Variants in MAGI1 observed in about 807,000 individuals in gnomAD.
MAGI1 encodes membrane associated guanylate kinase, WW and PDZ domain containing 1, also known as membrane-associated guanylate kinase, WW and PDZ domain-containing protein 1.
A neutral mutation model predicts 139.9 loss-of-function variants in MAGI1; 58 were observed. The observed-to-expected ratio is 0.41, with a 90% CI of 0.34 to 0.52. The LOEUF (loss-of-function observed/expected upper bound fraction) is 0.52. MAGI1 is among the 20% of genes least tolerant of loss of function. The probability of loss-of-function intolerance (pLI) is 0.12; values close to 1 mark genes in which losing one functional copy is unlikely to be tolerated. For synonymous variants in MAGI1, 812 were observed against 737.9 expected, an observed-to-expected ratio of 1.10 and a Z score of -1.63; for missense variants, 1,874 against 1,901.6, an observed-to-expected ratio of 0.99 and a Z score of 0.27.
chr3:65,541,343 C>T (rs1348767230), intron 2 of MAGI1, among the ~76,000 whole-genome samples: 1 of 152,130 alleles, frequency 6.6e-6, no homozygotes. Flanking sequence ...AACAGAGGTA[C>T]AAAGAAGAGC....
intron 1 of MAGI1, among the ~76,000 whole-genome samples, chr3:65,886,889 C>G (rs2060554888): frequency 6.6e-6 from 1 of 152,124 alleles, no homozygotes; most frequent in Non-Finnish European, 1.5e-5. Flanking sequence ...AACCAGTAAA[C>G]TATTAATTTC....
chr3:65,899,468 G>GTCAA (rs1280340849), intron 1 of MAGI1, among the ~76,000 whole-genome samples: 1 of 152,194 alleles, frequency 6.6e-6, no homozygotes, highest in Non-Finnish European at 1.5e-5. Flanking sequence ...GGGAGGAAAT[G>GTCAA]TCAACCTCAG....
chr3:65,619,790 A>C (rs1427482043), intron 2 of MAGI1: 6 of 940,140 alleles, frequency 6.4e-6, no homozygotes, highest in Non-Finnish European at 7.6e-6. Flanking sequence ...CCAGACTCCA[A>C]AACAGACCTC....
intron 1 of MAGI1, among the ~76,000 whole-genome samples, chr3:65,623,561 AAGAGCATTTTTAGCCTT>A (rs909898448): frequency 5.9e-5 from 9 of 152,166 alleles, no homozygotes; most frequent in Admixed American, 1.3e-4. Context: ...CAAATTAGGT[AAGAGCATTTTTAGCCTT>A]AGAGAAACAA....
chr3:65,603,722 T>C (rs756124536), intron 2 of MAGI1, among the ~76,000 whole-genome samples: 40 of 152,344 alleles, frequency 2.6e-4, no homozygotes, highest in Non-Finnish European at 5.0e-4. Flanking sequence ...CAGTCGTTTA[T>C]AAAGAACAGA....
intron 2 of MAGI1, among the ~76,000 whole-genome samples, chr3:65,569,379 T>C (rs2080832195): frequency 6.6e-6 from 1 of 152,134 alleles, no homozygotes; most frequent in Non-Finnish European, 1.5e-5. Context: ...CACAATAGCA[T>C]AATGTATTTA....
At chr3:65,624,977 A>G (rs1472776802) in intron 1 of MAGI1, among the ~76,000 whole-genome samples, 1 of 152,012 alleles carries the variant, frequency 6.6e-6, no homozygotes, top group East Asian at 1.9e-4. Context: ...GACTCAAGCG[A>G]TTTTCATGCC....
chr3:65,508,700 G>A (rs1003467186), intron 2 of MAGI1, among the ~76,000 whole-genome samples: 6 of 152,146 alleles, frequency 3.9e-5, no homozygotes, highest in Non-Finnish European at 8.8e-5. Context: ...CAATGAATCT[G>A]TATTAGAGAT....
intron 1 of MAGI1, among the ~76,000 whole-genome samples, chr3:65,694,091 G>A (rs979503614): frequency 6.6e-6 from 1 of 152,104 alleles, no homozygotes; most frequent in Admixed American, 6.6e-5. Context: ...TTAATCAGCA[G>A]AAAATCAATA....
At chr3:65,717,716 A>G (rs2032445117) in intron 1 of MAGI1, among the ~76,000 whole-genome samples, 1 of 152,192 alleles carries the variant, frequency 6.6e-6, no homozygotes, top group East Asian at 1.9e-4. Flanking sequence ...TCCAGGAATC[A>G]CTTCTTAGAT....
intron 1 of MAGI1, among the ~76,000 whole-genome samples, chr3:65,851,065 C>G (rs2059185642): frequency 6.6e-6 from 1 of 152,030 alleles, no homozygotes; most frequent in Admixed American, 6.6e-5. Flanking sequence ...CGAGATCACG[C>G]CACTGCACTT....
chr3:65,631,290 C>T (rs913700266), intron 1 of MAGI1, among the ~76,000 whole-genome samples: 4 of 152,210 alleles, frequency 2.6e-5, no homozygotes, highest in Non-Finnish European at 5.9e-5. Context: ...GAGTGGAATA[C>T]AGAGATCTAT....
intron 1 of MAGI1, among the ~76,000 whole-genome samples, chr3:65,811,282 C>G (rs983289633): frequency 3.9e-5 from 6 of 152,190 alleles, no homozygotes; most frequent in African/African-American, 1.4e-4. Context: ...CAATGAAAGA[C>G]TATATTCACT....
At chr3:65,958,643 G>A (rs1189269052) in intron 1 of MAGI1, among the ~76,000 whole-genome samples, 1 of 152,180 alleles carries the variant, frequency 6.6e-6, no homozygotes, top group African/African-American at 2.4e-5. Flanking sequence ...CGGGTAATAT[G>A]GCCCATATAT....
At chr3:65,578,101 G>A (rs1202604349) in intron 2 of MAGI1, among the ~76,000 whole-genome samples, 1 of 152,200 alleles carries the variant, frequency 6.6e-6, no homozygotes, top group Non-Finnish European at 1.5e-5. Flanking sequence ...AGGAGCCTCA[G>A]CTCCCACAAA....
intron 1 of MAGI1, among the ~76,000 whole-genome samples, chr3:65,683,710 C>T (rs561359053): frequency 1.8e-3 from 267 of 150,322 alleles, no homozygotes; most frequent in African/African-American, 6.3e-3. Context: ...TGCTCAACAT[C>T]ATTCGGCATT....
chr3:65,672,290 T>C (rs1351187271), intron 1 of MAGI1, among the ~76,000 whole-genome samples: 2 of 152,192 alleles, frequency 1.3e-5, no homozygotes, highest in African/African-American at 4.8e-5. Flanking sequence ...AGATCCTATC[T>C]CCAACTCAAA....
chr3:65,428,610 A>T (rs780754803), intron 12 of MAGI1, among the ~76,000 whole-genome samples: 54 of 152,188 alleles, frequency 3.5e-4, no homozygotes, highest in African/African-American at 1.2e-3. Flanking sequence ...TTCATTCATA[A>T]ATACCTAAAA....
At chr3:65,661,465 C>T (rs747612509) in intron 1 of MAGI1, among the ~76,000 whole-genome samples, 4 of 152,116 alleles carry the variant, frequency 2.6e-5, no homozygotes, top group Non-Finnish European at 5.9e-5. Flanking sequence ...ACCACAGCAA[C>T]ATATGAATAA....
Sources: gnomAD v4.1 joint callset for allele counts (sites outside exome capture counted in the v4.1 genomes callset) on GRCh38, gnomAD v4.1.1 for gene constraint, MANE v1.5 for transcripts, NCBI Gene and HGNC (gene_info 2026-07-23, HGNC 2026-07-21) for gene names.